Variants in FBLN5 observed in about 807,000 individuals in gnomAD.
FBLN5 encodes fibulin-5.
A neutral mutation model predicts 61.6 loss-of-function variants in FBLN5; 24 were observed. The ratio of observed to expected loss-of-function variants is 0.39; its 90% confidence interval spans 0.28 to 0.55. FBLN5 has a LOEUF of 0.55. Ranked by LOEUF, FBLN5 falls within the 20% of genes least tolerant of loss-of-function variation. The probability of loss-of-function intolerance (pLI) is 0.65; values close to 1 mark genes in which losing one functional copy is unlikely to be tolerated. For synonymous variants in FBLN5, 213 were observed against 219.8 expected (o/e 0.97, Z 0.27); for missense variants, 470 against 594.1 (o/e 0.79, Z 2.17).
rs1458945441 is a variant in FBLN5, at chr14:91,940,070, G to T, written c.124+495C>A. 7.2e-6 allele frequency: 3 copies of T among 415,456 alleles called. No individual in the cohort carries two copies. In the Admixed American group the frequency reaches 8.8e-5, roughly 12 times the overall value. 25.7% of individuals were successfully genotyped at this position (415,456 alleles called of 1,614,324 possible). ...AGGAGGCTTCTAAAAGGTAGGAATT[G>T]CCCTCCACTGACAGTCAGCAAGGAA... On this transcript the variant is annotated intron_variant, in intron 3 of 10. Transcript: ENST00000342058.
chr14:91,871,759 A>G (rs982222707), intron 10 of FBLN5, among the ~76,000 whole-genome samples: 7 of 152,012 alleles, frequency 4.6e-5, no homozygotes, highest in African/African-American at 1.7e-4. Flanking sequence ...TGGGAGGCTG[A>G]GGCACAAGAA....
intron 6 of FBLN5, among the ~76,000 whole-genome samples, chr14:91,890,736 G>A (rs1889954486): frequency 6.6e-6 from 1 of 152,178 alleles, no homozygotes; most frequent in South Asian, 2.1e-4. Flanking sequence ...AGGCCATCCT[G>A]GCACAGGTTG....
chr14:91,893,509 C>T (rs994603692), intron 5 of FBLN5, among the ~76,000 whole-genome samples: 2 of 152,152 alleles, frequency 1.3e-5, no homozygotes, highest in African/African-American at 4.8e-5. Context: ...TCTTTGTTTC[C>T]ATGATTTCGT....
chr14:91,883,161 ACT>A, intron 7 of FBLN5, 85 bp from the exon 8 acceptor site: 1 of 1,478,166 alleles, frequency 6.8e-7, no homozygotes, highest in Non-Finnish European at 9.4e-7. Flanking sequence ...CAACTCTCAC[ACT>A]GTCTTGATAC....
chr14:91,887,030 A>G (rs1056025872), intron 7 of FBLN5, among the ~76,000 whole-genome samples, 163 bp downstream of exon 7: 5 of 152,286 alleles, frequency 3.3e-5, no homozygotes, highest in Non-Finnish European at 5.9e-5. Context: ...GAAGTGACTC[A>G]TCTCTGTTCT....
chr14:91,905,223 C>A (rs1186997015), intron 4 of FBLN5, among the ~76,000 whole-genome samples: 1 of 152,166 alleles, frequency 6.6e-6, no homozygotes, highest in African/African-American at 2.4e-5. Context: ...TCACAACTCA[C>A]CAGGGTGATC....
chr14:91,929,360 A>G (rs2055886375), intron 4 of FBLN5, among the ~76,000 whole-genome samples: 1 of 152,160 alleles, frequency 6.6e-6, no homozygotes, highest in African/African-American at 2.4e-5. Flanking sequence ...GTAATGCTAA[A>G]TCTCAATTCA....
chr14:91,942,807 TC>T, intron 2 of FBLN5, 99 bp downstream of exon 2: 1 of 763,412 alleles, frequency 1.3e-6, no homozygotes, highest in Non-Finnish European at 2.3e-6. Context: ...GTAAAGCCAC[TC>T]CCACCCCCAC....
Position 91,943,535 on chromosome 14 carries a change from C to T in FBLN5, c.18-574G>A, listed in dbSNP as rs114159189. ...CCCCCACCCCCCAAAAAAGCTAAAACCTCCCACTATGGTATTAACCAGTTC... is the reference window on the plus strand; with the variant it reads ...CCCCCACCCCCCAAAAAAGCTAAAATCTCCCACTATGGTATTAACCAGTTC... On this transcript the variant is annotated intron_variant, in intron 1 of 10. Coordinates refer to ENST00000342058, the MANE Select transcript of FBLN5 (RefSeq NM_006329.4). The surrounding 1 kb of genome is among the most constrained non-coding windows in gnomAD (Gnocchi z 4.0). 2.7e-3 allele frequency among the ~76,000 whole-genome samples: 410 copies of T among 151,406 alleles called. 6 individuals are homozygous for T. In the South Asian group the frequency reaches 0.031, roughly 11 times the overall value.
chr14:91,936,480 C>G (rs1033949999), intron 4 of FBLN5, among the ~76,000 whole-genome samples: 1 of 152,150 alleles, frequency 6.6e-6, no homozygotes, highest in Non-Finnish European at 1.5e-5. Context: ...AACAGTTGGC[C>G]GTGCCCTTCA....
chr14:91,882,903 C>T lies in FBLN5; in HGVS notation c.862+51G>A, dbSNP rs1395947522. 1 of 1,605,020 alleles carries T rather than the reference C, an allele frequency of 6.2e-7. No homozygotes were observed. The highest frequency in any genetic ancestry group is 8.5e-7 in the Non-Finnish European group (1 of 1,174,146). On this transcript the variant is annotated intron_variant, in intron 8 of 10. Coordinates refer to ENST00000342058, the MANE Select transcript of FBLN5 (RefSeq NM_006329.4). The surrounding 1 kb of genome is among the most constrained non-coding windows in gnomAD (Gnocchi z 4.9). ...AGGATATCCAGATGAGCCCCTGAAG[C>T]AGCTCCACCTCACACATACACCCCA...
chr14:91,876,408 G>A (rs566909775), intron 10 of FBLN5, among the ~76,000 whole-genome samples: 1 of 152,302 alleles, frequency 6.6e-6, no homozygotes, highest in South Asian at 2.1e-4. Context: ...CAGTATGCTG[G>A]GTAGTAGCCC....
At chr14:91,923,435 A>C (rs1197096453) in intron 4 of FBLN5, among the ~76,000 whole-genome samples, 1 of 152,196 alleles carries the variant, frequency 6.6e-6, no homozygotes, top group Non-Finnish European at 1.5e-5. Context: ...TGCTGCAGCC[A>C]CACTGGGTGT....
intron 5 of FBLN5, 109 bp downstream of exon 5, chr14:91,894,841 C>CAAA: frequency 8.9e-6 from 5 of 563,076 alleles, no homozygotes; most frequent in Non-Finnish European, 1.6e-5. Flanking sequence ...CCCTCCCTAG[C>CAAA]AAAGAAAAGC....
intron 5 of FBLN5, among the ~76,000 whole-genome samples, chr14:91,892,409 G>A (rs571900107): frequency 7.2e-5 from 11 of 152,142 alleles, no homozygotes; most frequent in Non-Finnish European, 1.0e-4. Context: ...TCTGGAAGCC[G>A]GCTTAGAGCC....
chr14:91,930,002 A>G (rs2055896626), intron 4 of FBLN5, among the ~76,000 whole-genome samples: 1 of 152,204 alleles, frequency 6.6e-6, no homozygotes, highest in Non-Finnish European at 1.5e-5. Context: ...ACTGCTGAAA[A>G]TTGGCAAGAA....
chr14:91,877,852 G>GT, intron 9 of FBLN5, 170 bp from the exon 10 acceptor site: 1 of 682,916 alleles, frequency 1.5e-6, no homozygotes, highest in Non-Finnish European at 2.7e-6. Context: ...TCTCCAGCAT[G>GT]TAGGCGAGCT....
intron 4 of FBLN5, among the ~76,000 whole-genome samples, chr14:91,933,915 GC>G (rs2055969424): frequency 6.6e-6 from 1 of 152,186 alleles, no homozygotes; most frequent in South Asian, 2.1e-4. Flanking sequence ...TTTGAGACCA[GC>G]CTGGGCAACA....
intron 9 of FBLN5, chr14:91,878,091 A>G (rs1443891352): frequency 5.0e-6 from 2 of 399,294 alleles, no homozygotes; most frequent in Non-Finnish European, 9.6e-6. Context: ...AAAGTAAGAA[A>G]CTGGATTAAC....
Sources: gnomAD v4.1 joint callset for allele counts (sites outside exome capture counted in the v4.1 genomes callset) on GRCh38, gnomAD v4.1.1 for gene constraint, Gnocchi (gnomAD v3.1) non-coding constraint, MANE v1.5 for transcripts, NCBI Gene and HGNC (gene_info 2026-07-23, HGNC 2026-07-21) for gene names.